The following ENTHD1 variants were observed in gnomAD, a reference collection of about 807,000 sequenced individuals.
ENTHD1 encodes ENTH domain-containing protein 1.
Under a neutral mutation model 39.1 loss-of-function variants are expected in ENTHD1, and 23 were observed. The observed-to-expected ratio is 0.59, with a 90% CI of 0.42 to 0.83. ENTHD1 has a LOEUF of 0.83. Ranked by LOEUF, ENTHD1 falls within the 40% of genes least tolerant of loss-of-function variation. The pLI is 0.00. For synonymous variants in ENTHD1, 230 were observed against 258.2 expected (o/e 0.89, Z 1.05); for missense variants, 624 against 705.4 (o/e 0.88, Z 1.31).
chr22:39,871,212 TA>T (rs1444003257), intron 2 of ENTHD1, among the ~76,000 whole-genome samples: 1 of 149,446 alleles, frequency 6.7e-6, no homozygotes, highest in African/African-American at 2.5e-5. Flanking sequence ...AATAAATAAA[TA>T]AATAAATACG....
chr22:39,830,371 G>A (rs928145527), intron 4 of ENTHD1, among the ~76,000 whole-genome samples: 2 of 152,068 alleles, frequency 1.3e-5, no homozygotes, highest in East Asian at 1.9e-4. Context: ...CACTGTGCCC[G>A]GCCCCTAAAA....
At chr22:39,753,453 A>G (rs1443466000) in intron 6 of ENTHD1, among the ~76,000 whole-genome samples, 1 of 152,210 alleles carries the variant, frequency 6.6e-6, no homozygotes, top group African/African-American at 2.4e-5. Context: ...CAGCAAATAC[A>G]TCCCTCTCGT....
chr22:39,849,825 C>G (rs1023814166), intron 3 of ENTHD1, among the ~76,000 whole-genome samples: 4 of 152,124 alleles, frequency 2.6e-5, no homozygotes, highest in African/African-American at 4.8e-5. Flanking sequence ...CTATCGTTTA[C>G]AAATGATGCT....
At chr22:39,863,081 C>G (rs2066156624) in intron 2 of ENTHD1, among the ~76,000 whole-genome samples, 1 of 152,164 alleles carries the variant, frequency 6.6e-6, no homozygotes, top group African/African-American at 2.4e-5. Flanking sequence ...TGCCAGTGCC[C>G]TGAACCTGGA....
At chr22:39,797,003 C>A (rs972446637) in intron 5 of ENTHD1, among the ~76,000 whole-genome samples, 4 of 152,112 alleles carry the variant, frequency 2.6e-5, no homozygotes, top group African/African-American at 7.2e-5. Context: ...CCTATCTCAC[C>A]TTTTAGATTT....
At chr22:39,827,237 G>T (rs918647706) in intron 4 of ENTHD1, among the ~76,000 whole-genome samples, 1 of 151,940 alleles carries the variant, frequency 6.6e-6, no homozygotes, top group South Asian at 2.1e-4. Context: ...GGATGGTCTC[G>T]ATCTTCTGAC....
At chr22:39,806,394 G>A (rs567308814) in intron 5 of ENTHD1, among the ~76,000 whole-genome samples, 2 of 152,306 alleles carry the variant, frequency 1.3e-5, no homozygotes, top group East Asian at 3.9e-4. Flanking sequence ...TCGCTGGTGA[G>A]CTTAGAGGAC....
At chr22:39,771,509 A>T (rs935301253) in intron 5 of ENTHD1, among the ~76,000 whole-genome samples, 4 of 152,150 alleles carry the variant, frequency 2.6e-5, no homozygotes, top group African/African-American at 9.7e-5. Context: ...AAACAAAAAA[A>T]CTCAGAGAAA....
At chr22:39,779,709 G>A (rs1026274219) in intron 5 of ENTHD1, among the ~76,000 whole-genome samples, 4 of 152,152 alleles carry the variant, frequency 2.6e-5, no homozygotes, top group African/African-American at 9.7e-5. Flanking sequence ...GACAATAATA[G>A]CTATTGCCAT....
intron 1 of ENTHD1, among the ~76,000 whole-genome samples, chr22:39,891,426 T>C (rs2066425784): frequency 6.6e-6 from 1 of 151,998 alleles, no homozygotes; most frequent in Non-Finnish European, 1.5e-5. Flanking sequence ...TGAATGATTC[T>C]GCCTTGGGAT....
At chr22:39,874,665 AAATC>A (rs1213575231) in intron 2 of ENTHD1, 2 of 152,240 alleles carry the variant, frequency 1.3e-5, no homozygotes, top group Non-Finnish European at 2.9e-5. Flanking sequence ...AAATTCCTAG[AAATC>A]AATAATAAAA....
chr22:39,769,374 T>C (rs2065304258), intron 5 of ENTHD1, among the ~76,000 whole-genome samples: 1 of 152,110 alleles, frequency 6.6e-6, no homozygotes, highest in African/African-American at 2.4e-5. Flanking sequence ...ATAAAGAGTA[T>C]ATGAACAAGC....
chr22:39,862,285 C>T (rs894484418), intron 2 of ENTHD1, among the ~76,000 whole-genome samples: 1 of 152,146 alleles, frequency 6.6e-6, no homozygotes, highest in African/African-American at 2.4e-5. Context: ...TGCGGTGGCT[C>T]ATGGCTGTAA....
Position 39,787,271 on chromosome 22 carries a change from C to G in ENTHD1, c.833-21662G>C, listed in dbSNP as rs566110406. The stretch of plus-strand genomic sequence containing the variant: ...CCAGCCATCCCTCATCTCTCTCTCC[C>G]TCTTCTCCAGCCTCCCTATTCCCTG... On this transcript the variant is annotated intron_variant, in intron 5 of 6. Transcript: ENST00000325157. 3.9e-5 allele frequency among the ~76,000 whole-genome samples: 6 copies of G among 152,270 alleles called. No individual in the cohort carries two copies. In the East Asian group the frequency reaches 9.6e-4, roughly 24 times the overall value.
Position 39,800,177 on chromosome 22 carries a change from C to A in ENTHD1, c.832+20816G>T, listed in dbSNP as rs972482141. Among the ~76,000 whole-genome samples the A allele has an allele frequency of 2.6e-5, 4 of 152,330 alleles. No homozygotes were observed. In the South Asian group the frequency reaches 6.2e-4, roughly 24 times the overall value. ...TGAGGATTTCTCACTTACTTCCACA[C>A]TGGGGAGCCTCTCCAAGCTCCCAGC... On this transcript the variant is annotated intron_variant, in intron 5 of 6. Coordinates refer to ENST00000325157, the MANE Select transcript of ENTHD1 (RefSeq NM_152512.4).
chr22:39,751,720 G>A (rs2065148815), intron 6 of ENTHD1, among the ~76,000 whole-genome samples: 1 of 152,156 alleles, frequency 6.6e-6, no homozygotes, highest in Non-Finnish European at 1.5e-5. Flanking sequence ...GACAGTCATA[G>A]TTTGAATCAC....
chr22:39,764,810 G>C (rs1488862171), intron 6 of ENTHD1, among the ~76,000 whole-genome samples: 1 of 151,460 alleles, frequency 6.6e-6, no homozygotes, highest in Admixed American at 6.6e-5. Flanking sequence ...CTTTTTAAAG[G>C]GGCACACATA....
chr22:39,769,825 A>T (rs1376178764), intron 5 of ENTHD1, among the ~76,000 whole-genome samples: 2 of 152,234 alleles, frequency 1.3e-5, no homozygotes, highest in African/African-American at 4.8e-5. Context: ...AAGAAATGTC[A>T]ACAAATTTTG....
At position 39,867,995 on chromosome 22, in the gene ENTHD1, A is replaced by G. The variant is rs1329249819; in HGVS notation, c.350-5988T>C. ...AGGGCTGCTGGGCTCTTGATCTGCC[A>G]GCCCAGAGTTCAGCTCCTCAGGTGT... On this transcript the variant is annotated intron_variant, in intron 2 of 6. Coordinates refer to ENST00000325157, the MANE Select transcript of ENTHD1 (RefSeq NM_152512.4). This position sits in a 1 kb window ranked among gnomAD's most constrained non-coding sequence, Gnocchi z 4.5. 3.9e-5 allele frequency among the ~76,000 whole-genome samples: 6 copies of G among 152,222 alleles called. No homozygotes were observed. The highest frequency in any genetic ancestry group is 1.4e-4 in the African/African-American group (6 of 41,460).
Sources: allele counts gnomAD v4.1 joint callset (sites outside exome capture counted in the v4.1 genomes callset), GRCh38; gene constraint gnomAD v4.1.1; non-coding constraint Gnocchi (gnomAD v3.1); transcripts MANE v1.5; gene names NCBI Gene and HGNC (gene_info 2026-07-23, HGNC 2026-07-21).